Variants in ABHD17C observed in about 807,000 individuals in gnomAD.
The protein encoded by ABHD17C is alpha/beta hydrolase domain-containing protein 17C.
ABHD17C carries 11 observed loss-of-function variants against 27.9 expected under a neutral mutation model. That is an observed-to-expected ratio of 0.39 (90% CI 0.25 to 0.65). ABHD17C has a LOEUF of 0.65. ABHD17C is among the 30% of genes least tolerant of loss of function. The pLI, the probability that ABHD17C is intolerant of heterozygous loss-of-function variation, is 0.45. For missense variants in ABHD17C, 280 were observed against 470.2 expected (o/e 0.60, Z 3.74); for synonymous variants, 233 against 209.1 (o/e 1.11, Z -0.98).
At chr15:80,697,237 C>T (rs74539451) in intron 1 of ABHD17C, among the ~76,000 whole-genome samples, 1 of 152,056 alleles carries the variant, frequency 6.6e-6, no homozygotes, top group African/African-American at 2.4e-5. Flanking sequence ...AAGGGGATGC[C>T]CTCATTGGGA....
chr15:80,698,547 G>A (rs150842552), intron 1 of ABHD17C, among the ~76,000 whole-genome samples: 41 of 152,240 alleles, frequency 2.7e-4, no homozygotes, highest in African/African-American at 5.5e-4. Flanking sequence ...CCATTGCCAC[G>A]GTAAGCATAT....
At chr15:80,706,823 A>G (rs1233475709) in intron 1 of ABHD17C, among the ~76,000 whole-genome samples, 1 of 152,240 alleles carries the variant, frequency 6.6e-6, no homozygotes, top group African/African-American at 2.4e-5. Context: ...ATTGTCATAA[A>G]TAACTCAAGG....
chr15:80,722,706 C>T (rs1384764327), intron 1 of ABHD17C, among the ~76,000 whole-genome samples: 1 of 152,176 alleles, frequency 6.6e-6, no homozygotes, highest in Non-Finnish European at 1.5e-5. Flanking sequence ...TACCCTTTAA[C>T]CAACACCTCC....
intron 1 of ABHD17C, among the ~76,000 whole-genome samples, chr15:80,711,230 G>GGCCTTT (rs777188873): frequency 1.7e-3 from 255 of 152,334 alleles, no homozygotes; most frequent in Non-Finnish European, 2.9e-3. Context: ...GCCTTTAAAA[G>GGCCTTT]AACCCAGTGT....
intron 1 of ABHD17C, among the ~76,000 whole-genome samples, chr15:80,746,541 C>T (rs776528921): frequency 1.3e-5 from 2 of 152,056 alleles, no homozygotes; most frequent in East Asian, 3.9e-4. Context: ...CCATTGGAAT[C>T]AAAGGTGGGC....
chr15:80,750,081 A>T (rs1208034894), intron 2 of ABHD17C, among the ~76,000 whole-genome samples: 1 of 152,238 alleles, frequency 6.6e-6, no homozygotes, highest in Non-Finnish European at 1.5e-5. Context: ...TGATGGGGCA[A>T]CTAGTGGTGT....
At chr15:80,735,596 C>T (rs1895119579) in intron 1 of ABHD17C, among the ~76,000 whole-genome samples, 1 of 152,176 alleles carries the variant, frequency 6.6e-6, no homozygotes, top group African/African-American at 2.4e-5. Flanking sequence ...AACCCTCGCT[C>T]CAGCCAGGGC....
chr15:80,745,228 C>T (rs1206317001), intron 1 of ABHD17C, among the ~76,000 whole-genome samples: 1 of 152,170 alleles, frequency 6.6e-6, no homozygotes, highest in African/African-American at 2.4e-5. Context: ...TGCCTGTAAT[C>T]ACTATCCTAA....
chr15:80,753,577 T>C (rs528616037), intron 2 of ABHD17C, among the ~76,000 whole-genome samples: 40 of 152,320 alleles, frequency 2.6e-4, no homozygotes, highest in Non-Finnish European at 4.0e-4. Context: ...AGTCTCACTC[T>C]GTTGCCCAGG....
At chr15:80,709,514 C>A (rs1894700877) in intron 1 of ABHD17C, among the ~76,000 whole-genome samples, 2 of 151,670 alleles carry the variant, frequency 1.3e-5, no homozygotes, top group Non-Finnish European at 2.9e-5. Flanking sequence ...AAAAAACACA[C>A]ACATGAAAAA....
At chr15:80,736,055 C>A (rs543812429) in intron 1 of ABHD17C, among the ~76,000 whole-genome samples, 5 of 152,212 alleles carry the variant, frequency 3.3e-5, no homozygotes, top group African/African-American at 1.2e-4. Context: ...TATAAATGAC[C>A]CTTTTAATCA....
In ABHD17C at chr15:80,695,918, C is replaced by T. The variant is rs1894487949; in HGVS notation, c.489C>T (p.Ile163=). The T allele has an allele frequency of 1.9e-6, 3 of 1,597,344 alleles. No homozygotes were observed. Among genetic ancestry groups the T allele is most frequent in the East Asian group, 2.2e-5 (1 of 44,812 alleles). The part of the protein sequence containing the change: ...IGLGSRINCN[I]FSYDYSGYGV... ...TCGGCTCCCGCATCAACTGCAACAT[C>T]TTCTCCTACGACTACTCGGGATACG... is the stretch of plus-strand genomic sequence containing the variant. Residue 163 remains isoleucine (I), a synonymous_variant, in exon 1 of 3, where the codon ATC becomes ATT. Coordinates refer to ENST00000258884, the MANE Select transcript of ABHD17C (RefSeq NM_021214.2). This position sits in a 1 kb window ranked among gnomAD's most constrained non-coding sequence, Gnocchi z 4.3.
intron 1 of ABHD17C, among the ~76,000 whole-genome samples, chr15:80,710,636 G>A (rs117116614): frequency 0.011 from 1,740 of 152,354 alleles, 55 homozygotes; most frequent in Admixed American, 0.056. Flanking sequence ...CTGATGCAGA[G>A]TGGTGAAGGG....
At chr15:80,718,423 C>T (rs546879183) in intron 1 of ABHD17C, among the ~76,000 whole-genome samples, 3 of 152,246 alleles carry the variant, frequency 2.0e-5, no homozygotes, top group South Asian at 2.1e-4. Context: ...GCCTTTGCTT[C>T]CCGAGTTCAA....
In ABHD17C at chr15:80,755,605, G is replaced by A. The variant is rs1263869741; in HGVS notation, c.*1235G>A. On this transcript the variant is annotated 3_prime_UTR_variant, in exon 3 of 3. Coordinates refer to ENST00000258884, the MANE Select transcript of ABHD17C (RefSeq NM_021214.2). ...GCACAGTGGTTGGTAATGGAATAAA[G>A]GATGCATGGATCAGAATGTGTGGGC... The A allele has an allele frequency of 2.0e-5, 3 of 152,292 alleles. No individual in the cohort carries two copies. Among genetic ancestry groups the A allele is most frequent in the Middle Eastern group, 3.4e-3 (1 of 294 alleles). The allele number at this position is 152,292 out of a possible 1,614,324, so 9.4% of individuals were successfully genotyped here.
chr15:80,695,692 G>T lies in ABHD17C; in HGVS notation c.263G>T (p.Ser88Ile), dbSNP rs1596055823. Reference protein sequence around the residue: ...EGAGAGPGACSLHLSERADWQ... With the variant: ...EGAGAGPGACILHLSERADWQ... ...GCGGGCGCGGGGCCCGGTGCGTGCA[G>T]CCTGCACCTCAGCGAGCGCGCCGAC... Residue 88 changes from serine to isoleucine, a missense_variant, in exon 1 of 3, where the codon AGC becomes ATC. By Grantham distance (142) the Ser-to-Ile change is moderately radical. Transcript: ENST00000258884. This position sits in a 1 kb window ranked among gnomAD's most constrained non-coding sequence, Gnocchi z 4.3. The T allele has an allele frequency of 3.3e-6, 5 of 1,524,254 alleles. No homozygotes were observed. Among genetic ancestry groups the T allele is most frequent in the Non-Finnish European group, 4.4e-6 (5 of 1,142,606 alleles). The allele number at this position is 1,524,254 out of a possible 1,614,324, so 94.4% of individuals were successfully genotyped here.
chr15:80,714,128 A>G (rs1281815293), intron 1 of ABHD17C, among the ~76,000 whole-genome samples: 1 of 151,536 alleles, frequency 6.6e-6, no homozygotes, highest in East Asian at 1.9e-4. Context: ...TAATTTTTGT[A>G]TTTTTTTGTA....
At chr15:80,743,121 G>A (rs1188313234) in intron 1 of ABHD17C, among the ~76,000 whole-genome samples, 1 of 152,092 alleles carries the variant, frequency 6.6e-6, no homozygotes, top group Non-Finnish European at 1.5e-5. Flanking sequence ...GGCATTGAGA[G>A]AATAAAGATT....
In ABHD17C at chr15:80,695,334, G is replaced by T. The variant is rs117959127; in HGVS notation, c.-96G>T. The T allele has an allele frequency of 0.3, 253,507 of 842,608 alleles. 39,491 individuals are homozygous for T. The highest frequency in any genetic ancestry group is 0.38 in the African/African-American group (20,732 of 54,112). 52.2% of individuals were successfully genotyped at this position (842,608 alleles called of 1,614,324 possible). The stretch of plus-strand genomic sequence containing the variant: ...CGGGCTGCAGCCGCCCTCCGCGCTC[G>T]CCTGCCAGCTCCCTCGCCGCGCGTC... On this transcript the variant is annotated 5_prime_UTR_variant, in exon 1 of 3. Coordinates refer to ENST00000258884, the MANE Select transcript of ABHD17C (RefSeq NM_021214.2). The surrounding 1 kb of genome is among the most constrained non-coding windows in gnomAD (Gnocchi z 4.3).
Sources: gnomAD v4.1 joint callset for allele counts (sites outside exome capture counted in the v4.1 genomes callset) on GRCh38, gnomAD v4.1.1 for gene constraint, Gnocchi (gnomAD v3.1) non-coding constraint, MANE v1.5 for transcripts, NCBI Gene and HGNC (gene_info 2026-07-23, HGNC 2026-07-21) for gene names.